GRIN3A: variants seen among roughly 807,000 people sequenced by gnomAD.
GRIN3A encodes glutamate ionotropic receptor NMDA type subunit 3A, also known as glutamate receptor ionotropic, NMDA 3A.
In GRIN3A, 47 loss-of-function variants were observed where a neutral mutation model predicts 92.4. The ratio of observed to expected loss-of-function variants is 0.51; its 90% CI spans 0.40 to 0.65. The LOEUF (loss-of-function observed/expected upper bound fraction) is 0.65. Among genes scored for constraint, GRIN3A ranks in the 30% least tolerant of loss-of-function variants. The pLI is 0.00. For missense variants in GRIN3A, 1,324 were observed against 1,393.1 expected, an observed-to-expected ratio of 0.95 and a Z score of 0.79; for synonymous variants, 527 against 540.6, an observed-to-expected ratio of 0.97 and a Z score of 0.35.
In GRIN3A at chr9:101,738,295, G is replaced by C. The variant is rs1308492608; in HGVS notation, c.-316C>G. ...CCGTTCCCTGCCCGCCCCATCTGCA[G>C]GGCGCCTCGGGCACTGCGTCCGGCC... On this transcript the variant is annotated 5_prime_UTR_variant, in exon 1 of 9. Transcript: ENST00000361820. The C allele has an allele frequency of 5.0e-6, 2 of 397,948 alleles. No homozygotes were observed. Among genetic ancestry groups the C allele is most frequent in the African/African-American group, 4.3e-5 (2 of 46,178 alleles). The allele number at this position is 397,948 out of a possible 1,614,324, so 24.7% of individuals were successfully genotyped here.
intron 2 of GRIN3A, among the ~76,000 whole-genome samples, chr9:101,675,408 G>A (rs1829382261): frequency 6.6e-6 from 1 of 151,828 alleles, no homozygotes; most frequent in East Asian, 1.9e-4. Context: ...AGCCATATTT[G>A]CATGCAAAAT....
intron 1 of GRIN3A, among the ~76,000 whole-genome samples, chr9:101,721,501 T>A (rs1830012424): frequency 6.6e-6 from 1 of 152,060 alleles, no homozygotes; most frequent in Admixed American, 6.5e-5. Context: ...TGGAACTGGG[T>A]AATGGGCAGA....
At chr9:101,586,319 A>G (rs1442582546) in intron 6 of GRIN3A, among the ~76,000 whole-genome samples, 2 of 152,208 alleles carry the variant, frequency 1.3e-5, no homozygotes, top group African/African-American at 2.4e-5. Flanking sequence ...TGCTCGATAC[A>G]TACTCTTGTT....
At chr9:101,629,549 T>G (rs1282958384) in intron 3 of GRIN3A, among the ~76,000 whole-genome samples, 1 of 152,222 alleles carries the variant, frequency 6.6e-6, no homozygotes, top group African/African-American at 2.4e-5. Context: ...TTGTATTTCT[T>G]TGGTATTCCA....
At chr9:101,628,444 TAGA>T (rs1828666140) in intron 3 of GRIN3A, 43 bp from the exon 4 acceptor site, 10 of 1,578,852 alleles carry the variant, frequency 6.3e-6, no homozygotes, top group Non-Finnish European at 8.7e-6. Context: ...AAATTATTCT[TAGA>T]AGTGTTTTTT....
chr9:101,601,888 A>G (rs1244916788), intron 6 of GRIN3A, among the ~76,000 whole-genome samples: 1 of 152,134 alleles, frequency 6.6e-6, no homozygotes, highest in Non-Finnish European at 1.5e-5. Flanking sequence ...CCCTATTTCC[A>G]AACCAGAACA....
intron 1 of GRIN3A, among the ~76,000 whole-genome samples, chr9:101,723,299 A>C (rs1235361318): frequency 6.6e-6 from 1 of 150,814 alleles, no homozygotes; most frequent in Non-Finnish European, 1.5e-5. Flanking sequence ...CTGGCTCGGG[A>C]GTGAAGCTGC....
chr9:101,603,249 G>A (rs1828235005), intron 6 of GRIN3A, among the ~76,000 whole-genome samples: 1 of 152,154 alleles, frequency 6.6e-6, no homozygotes, highest in South Asian at 2.1e-4. Context: ...GGACCAAGAT[G>A]GGCCTAAGAG....
In GRIN3A at chr9:101,618,144, T is replaced by G. The variant is rs867291347; in HGVS notation, c.2615-4617A>C. Reference sequence around the variant, plus strand: ...TAGGCATGGGCAAGGACTTCATGTCTAAAACACCAAAAGCAATGGCAACAA... The same window carrying G: ...TAGGCATGGGCAAGGACTTCATGTCGAAAACACCAAAAGCAATGGCAACAA... On this transcript the variant is annotated intron_variant, in intron 5 of 8. Coordinates refer to ENST00000361820, the MANE Select transcript of GRIN3A (RefSeq NM_133445.3). Among the ~76,000 whole-genome samples the G allele has an allele frequency of 1.4e-3, 213 of 151,244 alleles. 1 individual carries two copies. Among genetic ancestry groups the G allele is most frequent in the African/African-American group, 4.9e-3 (198 of 40,770 alleles).
At chr9:101,716,086 G>C (rs569230612) in intron 1 of GRIN3A, among the ~76,000 whole-genome samples, 1 of 151,926 alleles carries the variant, frequency 6.6e-6, no homozygotes, top group African/African-American at 2.4e-5. Flanking sequence ...AACTTTTTTC[G>C]CATGGAATTT....
intron 6 of GRIN3A, among the ~76,000 whole-genome samples, chr9:101,585,095 G>T (rs966656865): frequency 4.6e-5 from 7 of 151,764 alleles, no homozygotes; most frequent in Non-Finnish European, 8.8e-5. Context: ...TCAGACTTTT[G>T]TCCCCTCCCA....
At chr9:101,683,474 A>C (rs1418675167) in intron 2 of GRIN3A, among the ~76,000 whole-genome samples, 2 of 152,346 alleles carry the variant, frequency 1.3e-5, no homozygotes, top group East Asian at 3.9e-4. Flanking sequence ...AACAAAATAA[A>C]TAAGGATGAT....
intron 3 of GRIN3A, among the ~76,000 whole-genome samples, chr9:101,644,207 ACT>A: frequency 6.6e-6 from 1 of 151,838 alleles, no homozygotes; most frequent in East Asian, 1.9e-4. Context: ...CTCCAAATCA[ACT>A]CTTCATTTTT....
At chr9:101,573,569 G>A (rs1358697958) in intron 8 of GRIN3A, 56 bp from the exon 9 acceptor site, 2 of 1,347,368 alleles carry the variant, frequency 1.5e-6, no homozygotes, top group African/African-American at 2.9e-5. Flanking sequence ...TCAAGGTGCT[G>A]TCTTCATCTG....
chr9:101,711,902 C>G (rs561479310), intron 1 of GRIN3A, among the ~76,000 whole-genome samples: 3 of 152,228 alleles, frequency 2.0e-5, no homozygotes, highest in Admixed American at 6.5e-5. Context: ...TATTCCGTGC[C>G]CTCGGAGATA....
At position 101,686,666 on chromosome 9, in the gene GRIN3A, G is replaced by C. The variant is rs749883638; in HGVS notation, c.1234C>G (p.Leu412Val). 1 of 1,614,198 alleles carries C rather than the reference G, an allele frequency of 6.2e-7. No homozygotes were observed. The highest frequency in any genetic ancestry group is 8.5e-7 in the Non-Finnish European group (1 of 1,180,046). The change falls in exon 2 of 9, where the codon CTC (leucine) becomes GTC (valine). Residue 412 changes from leucine (L) to valine (V), a missense_variant. By Grantham distance (32) the Leu-to-Val change is conservative (BLOSUM62 1). Coordinates refer to ENST00000361820, the MANE Select transcript of GRIN3A (RefSeq NM_133445.3). Reference protein sequence around the residue: ...TATMIQPELALIPSTMNCMEV... With the variant: ...TATMIQPELAVIPSTMNCMEV... Reference sequence around the variant, plus strand: ...ATGCAGTTCATCGTGCTGGGAATGAGAGCAAGTTCTGGTTGGATCATGGTG... The same window carrying C: ...ATGCAGTTCATCGTGCTGGGAATGACAGCAAGTTCTGGTTGGATCATGGTG...
At chr9:101,734,965 T>C (rs1237520052) in intron 1 of GRIN3A, among the ~76,000 whole-genome samples, 4 of 145,816 alleles carry the variant, frequency 2.7e-5, no homozygotes, top group Admixed American at 6.7e-5. Context: ...CTTTTATATA[T>C]AGAAAGTTTT....
chr9:101,694,678 C>G (rs963946126), intron 1 of GRIN3A, among the ~76,000 whole-genome samples: 3 of 152,146 alleles, frequency 2.0e-5, no homozygotes, highest in African/African-American at 7.2e-5. Context: ...ACAAATACAA[C>G]TTTTGGGGCT....
rs372555852 is a variant in GRIN3A, at chr9:101,737,578, G to C, written c.402C>G (p.Asn134Lys). The C allele has an allele frequency of 5.6e-6, 9 of 1,614,130 alleles. No individual in the cohort carries two copies. Among genetic ancestry groups the C allele is most frequent in the Non-Finnish European group, 7.6e-6 (9 of 1,180,028 alleles). The change falls in exon 1 of 9, where the codon AAC becomes AAG. Residue 134 changes from asparagine to lysine, a missense_variant. Physicochemically the swap from Asn to Lys is moderately conservative, Grantham distance 94 (BLOSUM62 0). Coordinates refer to ENST00000361820, the MANE Select transcript of GRIN3A (RefSeq NM_133445.3). ...PRDALLFAVD[N>K]LNRVEGLLPY... ...GTAGCAGCCCTTCCACGCGGTTCAG[G>C]TTGTCCACGGCAAATAGGAGGGCGT...
Sources: allele counts gnomAD v4.1 joint callset (sites outside exome capture counted in the v4.1 genomes callset), GRCh38; gene constraint gnomAD v4.1.1; transcripts MANE v1.5; gene names NCBI Gene and HGNC (gene_info 2026-07-23, HGNC 2026-07-21).